Variants in ROCK1 observed in about 807,000 individuals in gnomAD.
ROCK1 encodes the protein rho-associated protein kinase 1.
A neutral mutation model predicts 196.8 loss-of-function variants in ROCK1; 36 were observed. The observed-to-expected ratio is 0.18, with a 90% CI of 0.14 to 0.24. The LOEUF (loss-of-function observed/expected upper bound fraction) is 0.24. Ranked by LOEUF, ROCK1 falls within the 10% of genes least tolerant of loss-of-function variation. The pLI is 1.00. For missense variants in ROCK1, 920 were observed against 1,562.0 expected (o/e 0.59, Z 6.93); for synonymous variants, 443 against 515.9 (o/e 0.86, Z 1.91).
At chr18:21,046,192 G>A (rs769799134) in intron 4 of ROCK1, among the ~76,000 whole-genome samples, 14 of 152,180 alleles carry the variant, frequency 9.2e-5, no homozygotes, top group Non-Finnish European at 2.1e-4. Context: ...TTACAGGCAT[G>A]AGCCACTGCG....
intron 16 of ROCK1, among the ~76,000 whole-genome samples, chr18:20,998,761 T>C (rs2035695556): frequency 6.6e-6 from 1 of 151,872 alleles, no homozygotes; most frequent in South Asian, 2.1e-4. Flanking sequence ...TGCACCACCA[T>C]GCCCAGCTAA....
intron 1 of ROCK1, among the ~76,000 whole-genome samples, chr18:21,086,697 A>T (rs1488991225): frequency 6.6e-6 from 1 of 152,122 alleles, no homozygotes; most frequent in South Asian, 2.1e-4. Context: ...ACATCAAAAC[A>T]GGACACACCC....
chr18:21,064,837 C>A (rs1163924761), intron 2 of ROCK1, among the ~76,000 whole-genome samples: 2 of 152,176 alleles, frequency 1.3e-5, no homozygotes, highest in Non-Finnish European at 2.9e-5. Context: ...ATATTTATTG[C>A]TTTTGATTAC....
chr18:20,973,291 T>C (rs934180581), intron 22 of ROCK1, among the ~76,000 whole-genome samples: 4 of 151,934 alleles, frequency 2.6e-5, no homozygotes, highest in African/African-American at 9.7e-5. Context: ...GGAATCATAA[T>C]TTTTTTTGGA....
chr18:20,992,617 T>TA (rs1395585869), intron 17 of ROCK1, among the ~76,000 whole-genome samples: 1 of 152,166 alleles, frequency 6.6e-6, no homozygotes, highest in East Asian at 1.9e-4. Flanking sequence ...ATGAAACATC[T>TA]AATGCTCTCT....
chr18:20,983,056 CT>C (rs1220181624), intron 20 of ROCK1, among the ~76,000 whole-genome samples: 2 of 151,598 alleles, frequency 1.3e-5, no homozygotes, highest in African/African-American at 4.9e-5. Flanking sequence ...AGTGAGAACC[CT>C]TTTCTACTGA....
chr18:21,104,038 C>T (rs1042123689), intron 1 of ROCK1, among the ~76,000 whole-genome samples: 2 of 152,164 alleles, frequency 1.3e-5, no homozygotes, highest in East Asian at 3.9e-4. Context: ...AATGGATATA[C>T]CCCCTTTTTA....
chr18:21,007,426 G>C (rs2035777808), intron 14 of ROCK1, among the ~76,000 whole-genome samples: 1 of 151,950 alleles, frequency 6.6e-6, no homozygotes, highest in Non-Finnish European at 1.5e-5. Context: ...ATTTATTACA[G>C]CATTCATTAC....
chr18:20,966,932 C>T lies in ROCK1; in HGVS notation c.3337G>A (p.Asp1113Asn). Reference protein sequence around the residue: ...VASFPSADETDGNLPESRIEG... With the variant: ...VASFPSADETNGNLPESRIEG... Reference sequence around the variant, plus strand: ...TTATTCTTACCTGGGAGGTTACCATCAGTTTCATCAGCACTAGGAAAACTA... The same window carrying T: ...TTATTCTTACCTGGGAGGTTACCATTAGTTTCATCAGCACTAGGAAAACTA... The change falls in exon 27 of 33, where the codon GAT becomes AAT. Residue 1113 changes from aspartate to asparagine, a missense_variant. Coordinates refer to ENST00000399799, the MANE Select transcript of ROCK1 (RefSeq NM_005406.3). The T allele has an allele frequency of 6.2e-7, 1 of 1,611,822 alleles. No homozygotes were observed.
chr18:20,991,168 A>T lies in ROCK1; in HGVS notation c.2143+8T>A. ...CAATTTTGTAAAAATATTAAAACTG[A>T]CACTTACCACACATTGCCACAGACT... On this transcript the variant is annotated splice_region_variant and intron_variant, in intron 18 of 32. Transcript: ENST00000399799. 2 of 1,574,428 alleles carry T rather than the reference A, an allele frequency of 1.3e-6. No individual in the cohort carries two copies. Among genetic ancestry groups the T allele is most frequent in the East Asian group, 2.2e-5 (1 of 44,590 alleles).
At chr18:20,959,770 T>C in intron 29 of ROCK1, 70 bp downstream of exon 29, 1 of 747,392 alleles carries the variant, frequency 1.3e-6, no homozygotes, top group Non-Finnish European at 2.1e-6. Context: ...ATAAAATAAA[T>C]TTTAAGTCTA....
rs1001856040 is a variant in ROCK1 at position 21,110,313 on chromosome 18, C to A, written c.93+505G>T. Among the ~76,000 whole-genome samples the A allele has an allele frequency of 2.0e-5, 3 of 152,128 alleles. No homozygotes were observed. In the South Asian group the frequency reaches 6.2e-4, roughly 31 times the overall value. ...AAAAAGTTCCTTCAAACTCAAATCA[C>A]CTATGAAATTTTGGCTCAAAAATCA... On this transcript the variant is annotated intron_variant, in intron 1 of 32. Transcript: ENST00000399799.
At chr18:21,037,395 C>A (rs1194954853) in intron 9 of ROCK1, among the ~76,000 whole-genome samples, 2 of 151,894 alleles carry the variant, frequency 1.3e-5, no homozygotes, top group Admixed American at 6.6e-5. Context: ...GCAATTTTGC[C>A]ACGGAAAATG....
intron 32 of ROCK1, among the ~76,000 whole-genome samples, chr18:20,952,065 T>C (rs2035193181): frequency 6.6e-6 from 1 of 152,184 alleles, no homozygotes; most frequent in Non-Finnish European, 1.5e-5. Flanking sequence ...CTTAATGAGA[T>C]GAGATTTCAT....
intron 9 of ROCK1, among the ~76,000 whole-genome samples, chr18:21,037,700 T>C (rs773837236): frequency 2.0e-5 from 3 of 152,128 alleles, no homozygotes; most frequent in Non-Finnish European, 4.4e-5. Flanking sequence ...ATAATGCAGA[T>C]CTTAAGTAGT....
intron 9 of ROCK1, among the ~76,000 whole-genome samples, chr18:21,036,358 G>T (rs1401009716): frequency 6.6e-6 from 1 of 152,146 alleles, no homozygotes; most frequent in Non-Finnish European, 1.5e-5. Context: ...CAAACTATAG[G>T]TTGATTAAGT....
chr18:21,061,387 C>T (rs142550088), intron 2 of ROCK1, among the ~76,000 whole-genome samples: 3 of 152,222 alleles, frequency 2.0e-5, no homozygotes, highest in Non-Finnish European at 4.4e-5. Context: ...GCCTTAAATG[C>T]ATTTTTGCTA....
At chr18:21,041,234 C>G (rs915036481) in intron 8 of ROCK1, among the ~76,000 whole-genome samples, 1 of 144,284 alleles carries the variant, frequency 6.9e-6, no homozygotes, top group Non-Finnish European at 1.5e-5. Flanking sequence ...GAGTTTGAAA[C>G]CAGCCTGGGC....
At chr18:20,961,740 A>T (rs764295656) in intron 27 of ROCK1, among the ~76,000 whole-genome samples, 1 of 151,826 alleles carries the variant, frequency 6.6e-6, no homozygotes, top group East Asian at 1.9e-4. Flanking sequence ...TCTTCATATA[A>T]ATTGTTAAAA....
Sources: allele counts gnomAD v4.1 joint callset (sites outside exome capture counted in the v4.1 genomes callset), GRCh38; gene constraint gnomAD v4.1.1; transcripts MANE v1.5; gene names NCBI Gene and HGNC (gene_info 2026-07-23, HGNC 2026-07-21).